FAT3: variants seen among roughly 807,000 people sequenced by gnomAD.
FAT3 encodes the protein FAT atypical cadherin 3, also known as protocadherin Fat 3.
A neutral mutation model predicts 310.2 loss-of-function variants in FAT3; 95 were observed. The ratio of observed to expected loss-of-function variants is 0.31; its 90% CI spans 0.26 to 0.36. The LOEUF is 0.36. FAT3 is among the 10% of genes least tolerant of loss of function. The probability of loss-of-function intolerance (pLI) is 1.00; values close to 1 mark genes in which losing one functional copy is unlikely to be tolerated. For synonymous variants in FAT3, 2,314 were observed against 2,192.9 expected, an observed-to-expected ratio of 1.06 and a Z score of -1.54; for missense variants, 5,408 against 5,715.6, an observed-to-expected ratio of 0.95 and a Z score of 1.74.
intron 3 of FAT3, among the ~76,000 whole-genome samples, chr11:92,573,829 C>T (rs950066163): frequency 1.3e-5 from 2 of 151,976 alleles, no homozygotes; most frequent in African/African-American, 4.8e-5. Flanking sequence ...TTCTGGCCTC[C>T]AGAACTGTGA....
intron 2 of FAT3, among the ~76,000 whole-genome samples, chr11:92,523,800 G>T (rs902035653): frequency 6.6e-6 from 1 of 152,168 alleles, no homozygotes; most frequent in Non-Finnish European, 1.5e-5. Flanking sequence ...TTGGGTAAGT[G>T]TTGTAAAGAT....
chr11:92,277,300 A>G (rs1040604081), intron 1 of FAT3, among the ~76,000 whole-genome samples: 1 of 152,154 alleles, frequency 6.6e-6, no homozygotes, highest in Non-Finnish European at 1.5e-5. Context: ...CCTAAATGGA[A>G]ATCACAGACA....
chr11:92,720,175 T>C (rs983993893), intron 4 of FAT3, among the ~76,000 whole-genome samples: 1 of 152,274 alleles, frequency 6.6e-6, no homozygotes, highest in Non-Finnish European at 1.5e-5. Context: ...GAGTAAGAGG[T>C]TGATTTTCAT....
intron 7 of FAT3, 90 bp downstream of exon 7, chr11:92,774,270 A>G (rs950677230): frequency 1.7e-5 from 23 of 1,356,824 alleles, no homozygotes; most frequent in African/African-American, 2.9e-5. Context: ...TAATGGAAGT[A>G]GTAAATTATG....
At chr11:92,503,285 CA>C (rs1006528200) in intron 2 of FAT3, among the ~76,000 whole-genome samples, 7 of 151,798 alleles carry the variant, frequency 4.6e-5, no homozygotes, top group African/African-American at 1.7e-4. Context: ...ATTGCCTTAC[CA>C]AAAAAAGTAG....
intron 1 of FAT3, among the ~76,000 whole-genome samples, chr11:92,290,544 G>GT (rs1220996075): frequency 6.6e-6 from 1 of 151,994 alleles, no homozygotes; most frequent in African/African-American, 2.4e-5. Context: ...ATCACCAGCG[G>GT]TTAGGAGATC....
chr11:92,370,158 T>C (rs1037383778), intron 2 of FAT3, among the ~76,000 whole-genome samples: 1 of 152,226 alleles, frequency 6.6e-6, no homozygotes, highest in South Asian at 2.1e-4. Flanking sequence ...AATATGCACA[T>C]TATTGTTGTA....
intron 2 of FAT3, among the ~76,000 whole-genome samples, chr11:92,444,788 CCTT>C (rs1220961591): frequency 6.6e-6 from 1 of 152,068 alleles, no homozygotes; most frequent in African/African-American, 2.4e-5. Context: ...ATGACCTTCT[CCTT>C]CTTCAAGACA....
chr11:92,375,349 C>T (rs1949311461), intron 2 of FAT3, among the ~76,000 whole-genome samples: 1 of 151,936 alleles, frequency 6.6e-6, no homozygotes, highest in African/African-American at 2.4e-5. Flanking sequence ...CCATGTTTCC[C>T]AGGCTGGTCG....
intron 2 of FAT3, among the ~76,000 whole-genome samples, chr11:92,467,419 C>T (rs187238611): frequency 2.6e-5 from 4 of 152,276 alleles, no homozygotes; most frequent in Admixed American, 2.0e-4. Context: ...CACACAAACA[C>T]ACACTGGGGA....
At chr11:92,890,071 T>C (rs572090994) in intron 27 of FAT3, among the ~76,000 whole-genome samples, 180 bp downstream of exon 27, 1 of 152,314 alleles carries the variant, frequency 6.6e-6, no homozygotes, top group African/African-American at 2.4e-5. Flanking sequence ...TCATCCTCTG[T>C]GCGTGTGTTT....
chr11:92,442,347 T>C (rs1242797149), intron 2 of FAT3, among the ~76,000 whole-genome samples: 2 of 150,436 alleles, frequency 1.3e-5, no homozygotes, highest in Non-Finnish European at 3.0e-5. Flanking sequence ...TCTCCTGACC[T>C]TGTGATCTGC....
intron 2 of FAT3, among the ~76,000 whole-genome samples, chr11:92,463,317 G>A (rs1472977089): frequency 6.6e-6 from 1 of 152,154 alleles, no homozygotes; most frequent in Non-Finnish European, 1.5e-5. Context: ...TCGTTAGTGT[G>A]TTTCTTGGAG....
At chr11:92,682,367 T>G (rs1019256564) in intron 3 of FAT3, among the ~76,000 whole-genome samples, 6 of 152,230 alleles carry the variant, frequency 3.9e-5, no homozygotes, top group African/African-American at 1.4e-4. Flanking sequence ...CATGTGATTA[T>G]GTGAGAAAGA....
Position 92,843,543 on chromosome 11 carries a change from T to C in FAT3, c.10567-391T>C, listed in dbSNP as rs186871713. Among the ~76,000 whole-genome samples, 6 of 152,282 alleles carry C rather than the reference T, an allele frequency of 3.9e-5. No individual in the cohort carries two copies. The East Asian group carries it at 1.2e-3, about 29-fold the overall frequency. ...CTATCTGGGTCCAGTCAAAAGGAAA[T>C]AATCCAACAGAAAACAGAAATTTCT... On this transcript the variant is annotated intron_variant, in intron 18 of 27. Coordinates refer to ENST00000525166, the MANE Select transcript of FAT3 (RefSeq NM_001367949.2).
chr11:92,673,856 T>C (rs1242329491), intron 3 of FAT3, among the ~76,000 whole-genome samples: 1 of 152,054 alleles, frequency 6.6e-6, no homozygotes, highest in Non-Finnish European at 1.5e-5. Flanking sequence ...GAGGATAAGA[T>C]TGATAAGTTT....
intron 7 of FAT3, among the ~76,000 whole-genome samples, chr11:92,783,440 A>G (rs1248869075): frequency 2.6e-5 from 4 of 151,500 alleles, no homozygotes; most frequent in Non-Finnish European, 4.4e-5. Context: ...ACAACTACAA[A>G]TGTATATAGA....
In FAT3 at chr11:92,894,740, A is replaced by G. The variant is rs185634280; in HGVS notation, c.*3627A>G. ...GGCCTGCCTATTCATGAAATGCCATATAAAAGACTTAGGAACATGAGTAGG... is the reference window on the plus strand; with the variant it reads ...GGCCTGCCTATTCATGAAATGCCATGTAAAAGACTTAGGAACATGAGTAGG... On this transcript the variant is annotated 3_prime_UTR_variant, in exon 28 of 28. Coordinates refer to ENST00000525166, the MANE Select transcript of FAT3 (RefSeq NM_001367949.2). 2 of 152,334 alleles carry G rather than the reference A, an allele frequency of 1.3e-5. No homozygotes were observed. Among genetic ancestry groups the G allele is most frequent in the Admixed American group, 6.5e-5 (1 of 15,304 alleles). The allele number at this position is 152,334 out of a possible 1,614,324, so 9.4% of individuals were successfully genotyped here.
intron 1 of FAT3, among the ~76,000 whole-genome samples, chr11:92,290,534 A>C (rs1178390893): frequency 6.6e-6 from 1 of 152,044 alleles, no homozygotes; most frequent in Non-Finnish European, 1.5e-5. Context: ...AGGCAGGTGG[A>C]TCACCAGCGG....
Sources: gnomAD v4.1 joint callset for allele counts (sites outside exome capture counted in the v4.1 genomes callset) on GRCh38, gnomAD v4.1.1 for gene constraint, MANE v1.5 for transcripts, NCBI Gene and HGNC (gene_info 2026-07-23, HGNC 2026-07-21) for gene names.